Variants in GPC6 observed in about 807,000 individuals in gnomAD.
GPC6 encodes the protein glypican-6.
In GPC6, 14 loss-of-function variants were observed where a neutral mutation model predicts 55.2. The observed-to-expected ratio is 0.25, with a 90% CI of 0.17 to 0.40. The LOEUF (loss-of-function observed/expected upper bound fraction) is 0.40, where lower values mean the gene tolerates loss of function less well. Ranked by LOEUF, GPC6 falls within the 10% of genes least tolerant of loss-of-function variation. The pLI is 1.00. For synonymous variants in GPC6, 278 were observed against 259.6 expected (o/e 1.07, Z -0.68); for missense variants, 641 against 708.5 (o/e 0.90, Z 1.08).
chr13:93,553,495 A>G (rs935640990), intron 2 of GPC6, among the ~76,000 whole-genome samples: 2 of 151,912 alleles, frequency 1.3e-5, no homozygotes, highest in Non-Finnish European at 2.9e-5. Context: ...GTTCAAGACC[A>G]GCCTGGCCCG....
intron 1 of GPC6, among the ~76,000 whole-genome samples, chr13:93,535,684 G>GA (rs200687324): frequency 0.15 from 17,784 of 120,658 alleles, 1,223 homozygotes; most frequent in East Asian, 0.33. Context: ...ACTTTTTTAG[G>GA]AAAAAAAAAA....
At chr13:94,272,463 C>CTTT (rs555664508) in intron 4 of GPC6, among the ~76,000 whole-genome samples, 79 of 85,710 alleles carry the variant, frequency 9.2e-4, no homozygotes, top group African/African-American at 2.5e-3. Flanking sequence ...CTTTTCTTTT[C>CTTT]TTTTTTTTTT....
intron 6 of GPC6, among the ~76,000 whole-genome samples, chr13:94,356,682 G>C (rs1390099312): frequency 6.6e-6 from 1 of 152,182 alleles, no homozygotes; most frequent in African/African-American, 2.4e-5. Flanking sequence ...GCAAAGGCTT[G>C]AGCTGGCAGG....
At chr13:94,252,849 G>A (rs949531019) in intron 4 of GPC6, among the ~76,000 whole-genome samples, 3 of 151,828 alleles carry the variant, frequency 2.0e-5, no homozygotes, top group Non-Finnish European at 4.4e-5. Context: ...TGGGACTCAA[G>A]GATATGATAG....
chr13:94,367,483 TTTG>T (rs1052266477), intron 6 of GPC6, among the ~76,000 whole-genome samples: 1 of 152,154 alleles, frequency 6.6e-6, no homozygotes, highest in African/African-American at 2.4e-5. Context: ...GATTTGAAAG[TTTG>T]TTGTTGTTTT....
chr13:94,145,728 C>G (rs1254156556), intron 4 of GPC6, among the ~76,000 whole-genome samples: 1 of 152,066 alleles, frequency 6.6e-6, no homozygotes, highest in African/African-American at 2.4e-5. Flanking sequence ...TGAGCGGACC[C>G]TAAGCTCTAG....
At chr13:93,327,725 T>C (rs1879705413) in intron 1 of GPC6, among the ~76,000 whole-genome samples, 1 of 151,784 alleles carries the variant, frequency 6.6e-6, no homozygotes, top group Admixed American at 6.6e-5. Context: ...GTAGACAGCA[T>C]TCTTAGTGAA....
chr13:93,975,109 G>A (rs1236810738), intron 3 of GPC6, among the ~76,000 whole-genome samples: 1 of 152,162 alleles, frequency 6.6e-6, no homozygotes, highest in East Asian at 1.9e-4. Flanking sequence ...ATTGGAATGG[G>A]GCCCAGCTAT....
At chr13:94,236,692 G>T (rs937577620) in intron 4 of GPC6, among the ~76,000 whole-genome samples, 1 of 152,070 alleles carries the variant, frequency 6.6e-6, no homozygotes, top group Non-Finnish European at 1.5e-5. Context: ...AGATTTTGGG[G>T]CATTCTTTCA....
At chr13:93,825,548 T>A (rs74108858) in intron 2 of GPC6, among the ~76,000 whole-genome samples, 5,150 of 152,240 alleles carry the variant, frequency 0.034, 266 homozygotes, top group East Asian at 0.17. Context: ...ATGTTTTCCC[T>A]CCCTCACAGT....
At chr13:93,795,436 C>G (rs1403027175) in intron 2 of GPC6, among the ~76,000 whole-genome samples, 1 of 152,072 alleles carries the variant, frequency 6.6e-6, no homozygotes, top group African/African-American at 2.4e-5. Flanking sequence ...TTCCAGAGTC[C>G]CTCGTTTTCC....
chr13:94,105,355 AAAATAT>A (rs1886016435), intron 4 of GPC6, among the ~76,000 whole-genome samples: 1 of 30,304 alleles, frequency 3.3e-5, no homozygotes, highest in Non-Finnish European at 6.8e-5. Flanking sequence ...CAAATAGAGC[AAAATAT>A]CCTGTTTCAA....
Position 94,403,079 on chromosome 13 carries a change from T to C in GPC6, c.1530T>C (p.Phe510=). The C allele has an allele frequency of 6.2e-7, 1 of 1,613,922 alleles. No individual in the cohort carries two copies. Among genetic ancestry groups the C allele is most frequent in the Non-Finnish European group, 8.5e-7 (1 of 1,179,802 alleles). ...GCMDDVCPTE[F]EFVTTEAPAV... The stretch of plus-strand genomic sequence containing the variant: ...TGGATGACGTGTGTCCCACGGAGTT[T>C]GAGTTTGTCACCACAGAGGCCCCCG... Residue 510 remains phenylalanine, a synonymous_variant, in exon 9 of 9, where the codon TTT becomes TTC. Transcript: ENST00000377047.
At chr13:93,408,904 C>G (rs1876394458) in intron 1 of GPC6, among the ~76,000 whole-genome samples, 1 of 151,874 alleles carries the variant, frequency 6.6e-6, no homozygotes, top group Admixed American at 6.6e-5. Flanking sequence ...ACCAAAAATC[C>G]CAGCCTATGC....
intron 5 of GPC6, among the ~76,000 whole-genome samples, chr13:94,292,919 G>C (rs937800030): frequency 2.0e-5 from 3 of 152,134 alleles, no homozygotes; most frequent in African/African-American, 7.2e-5. Context: ...GGCGCATTGA[G>C]ATTATTTCCA....
At chr13:93,541,155 C>A (rs1485187365) in intron 1 of GPC6, among the ~76,000 whole-genome samples, 3 of 145,554 alleles carry the variant, frequency 2.1e-5, no homozygotes, top group African/African-American at 7.6e-5. Flanking sequence ...AGGTATATCT[C>A]CTAAAGCTAT....
At chr13:94,047,012 T>C (rs1333219248) in intron 4 of GPC6, among the ~76,000 whole-genome samples, 2 of 152,156 alleles carry the variant, frequency 1.3e-5, no homozygotes, top group Non-Finnish European at 2.9e-5. Flanking sequence ...TAGTGTTTTT[T>C]AGGAATTCTG....
intron 2 of GPC6, among the ~76,000 whole-genome samples, chr13:93,794,765 C>A (rs1035489942): frequency 2.0e-5 from 3 of 152,148 alleles, no homozygotes; most frequent in African/African-American, 7.2e-5. Flanking sequence ...CAAAACAGGG[C>A]AGATAAAATC....
intron 1 of GPC6, among the ~76,000 whole-genome samples, chr13:93,263,656 C>T (rs901864229): frequency 5.9e-5 from 9 of 152,130 alleles, no homozygotes; most frequent in African/African-American, 2.2e-4. Context: ...TGAGCCACCA[C>T]GCCCCGCCAC....
Sources: allele counts gnomAD v4.1 joint callset (sites outside exome capture counted in the v4.1 genomes callset), GRCh38; gene constraint gnomAD v4.1.1; transcripts MANE v1.5; gene names NCBI Gene and HGNC (gene_info 2026-07-23, HGNC 2026-07-21).